Variants in IPO5 observed in about 807,000 individuals in gnomAD.
IPO5 encodes importin-5.
In IPO5, 18 loss-of-function variants were observed where a neutral mutation model predicts 143.3. That is an observed-to-expected ratio of 0.13 (90% confidence interval 0.09 to 0.19). The LOEUF (loss-of-function observed/expected upper bound fraction) is 0.19, where lower values mean the gene tolerates loss of function less well. Ranked by LOEUF, IPO5 falls within the 10% of genes least tolerant of loss-of-function variation. The pLI is 1.00. For missense variants in IPO5, 1,013 were observed against 1,336.9 expected (o/e 0.76, Z 3.78); for synonymous variants, 477 against 465.7 (o/e 1.02, Z -0.31).
intron 25 of IPO5, among the ~76,000 whole-genome samples, chr13:98,017,897 G>A (rs1455526072): frequency 1.3e-5 from 2 of 151,964 alleles, no homozygotes; most frequent in Non-Finnish European, 2.9e-5. Context: ...TCAACCTCCT[G>A]ACCTTGTGAT....
At chr13:97,998,403 C>T (rs1050517144) in intron 12 of IPO5, among the ~76,000 whole-genome samples, 11 of 152,162 alleles carry the variant, frequency 7.2e-5, no homozygotes, top group Admixed American at 7.2e-4. Context: ...AATGCTTTTA[C>T]AGGCAGAGAC....
At chr13:97,999,719 A>G (rs984853171) in intron 12 of IPO5, among the ~76,000 whole-genome samples, 6 of 152,226 alleles carry the variant, frequency 3.9e-5, no homozygotes, top group South Asian at 2.1e-4. Flanking sequence ...AGAGAAGACA[A>G]TAGAATTGAG....
chr13:98,024,045 A>G lies in IPO5; in HGVS notation c.*2223A>G, dbSNP rs1328078589. ...TATATATTGTTTATAAATGCAAGCT[A>G]TTTCTGGAGGGGAAAAATGTGTGTG... On this transcript the variant is annotated 3_prime_UTR_variant, in exon 29 of 29. Coordinates refer to ENST00000651721, the MANE Select transcript of IPO5 (RefSeq NM_002271.6). 1 of 152,158 alleles carries G rather than the reference A, an allele frequency of 6.6e-6. No individual in the cohort carries two copies. The highest frequency in any genetic ancestry group is 1.5e-5 in the Non-Finnish European group (1 of 68,028). 9.4% of individuals were successfully genotyped at this position (152,158 alleles called of 1,614,324 possible). A position where few individuals can be genotyped will look rare whatever the true frequency, so the allele number is the denominator to read the frequency against.
chr13:97,987,921 T>G (rs972543212), intron 6 of IPO5: 97 of 241,050 alleles, frequency 4.0e-4, no homozygotes, highest in African/African-American at 2.1e-3. Context: ...AATGCAAACC[T>G]TTCCAAAGTA....
intron 28 of IPO5, chr13:98,021,401 A>T: frequency 2.8e-6 from 1 of 359,722 alleles, no homozygotes; most frequent in East Asian, 4.3e-5. Context: ...TTTTCTGCCT[A>T]TCTTAAGAAA....
At chr13:97,963,664 G>T (rs534640118) in intron 2 of IPO5, among the ~76,000 whole-genome samples, 110 of 152,080 alleles carry the variant, frequency 7.2e-4, no homozygotes, top group African/African-American at 2.6e-3. Flanking sequence ...CACTGCACCC[G>T]GCCATTATTA....
chr13:97,982,788 T>TC (rs929067155), intron 5 of IPO5, among the ~76,000 whole-genome samples: 1 of 152,248 alleles, frequency 6.6e-6, no homozygotes, highest in African/African-American at 2.4e-5. Flanking sequence ...TTGCCTTTTT[T>TC]CCGCATAAGA....
chr13:97,972,514 G>A (rs902327957), intron 3 of IPO5, among the ~76,000 whole-genome samples: 4 of 152,306 alleles, frequency 2.6e-5, no homozygotes, highest in Non-Finnish European at 5.9e-5. Flanking sequence ...AGTTGAGAGA[G>A]ACTTTGTTTT....
chr13:98,014,229 C>T lies in IPO5; in HGVS notation c.2325+15C>T, dbSNP rs374788388. On this transcript the variant is annotated intron_variant, in intron 22 of 28. Coordinates refer to ENST00000651721, the MANE Select transcript of IPO5 (RefSeq NM_002271.6). ...CTTTTGCAAAGGTGAATATTTTTCT[C>T]TTAAAAAATATGTATAAGGTTGTAT... 2.0e-5 allele frequency: 32 copies of T among 1,565,300 alleles called. No homozygotes were observed. In the African/African-American group the frequency reaches 4.1e-4, roughly 20 times the overall value.
chr13:97,961,611 G>A (rs1884888898), intron 2 of IPO5, among the ~76,000 whole-genome samples: 1 of 152,112 alleles, frequency 6.6e-6, no homozygotes, highest in African/African-American at 2.4e-5. Flanking sequence ...TTTTATTAAA[G>A]CCATTTTATT....
chr13:97,972,639 G>A (rs1885914103), intron 3 of IPO5, among the ~76,000 whole-genome samples: 1 of 152,160 alleles, frequency 6.6e-6, no homozygotes, highest in South Asian at 2.1e-4. Context: ...AAAGGAGCTG[G>A]CCATTCACAA....
Position 98,000,661 on chromosome 13 carries a change from C to T in IPO5, c.1108+16C>T. On this transcript the variant is annotated intron_variant, in intron 13 of 28. Transcript: ENST00000651721. ...CTTCAAAATCGTAAGCTGTGTCCTT[C>T]AAATGCTAGAAGAGTGAAGTTGTGC... 1.0e-5 allele frequency: 16 copies of T among 1,543,528 alleles called. No homozygotes were observed. The highest frequency in any genetic ancestry group is 1.4e-5 in the Non-Finnish European group (16 of 1,115,594).
chr13:97,963,850 C>A (rs1885091613), intron 2 of IPO5, among the ~76,000 whole-genome samples: 2 of 152,174 alleles, frequency 1.3e-5, no homozygotes, highest in African/African-American at 4.8e-5. Context: ...ACAGCCTCGC[C>A]AGCATCTGTT....
chr13:97,976,875 G>A (rs1373284481), intron 4 of IPO5, 89 bp downstream of exon 4: 1 of 315,090 alleles, frequency 3.2e-6, no homozygotes, highest in Non-Finnish European at 5.0e-6. Flanking sequence ...CGGCCGGTCC[G>A]CGGCGGCCGC....
chr13:97,992,083 C>G (rs756114313), intron 9 of IPO5, among the ~76,000 whole-genome samples: 3 of 152,136 alleles, frequency 2.0e-5, no homozygotes, highest in African/African-American at 7.2e-5. Flanking sequence ...ACTTCTCTCC[C>G]CCTGCTATCA....
intron 2 of IPO5, among the ~76,000 whole-genome samples, chr13:97,963,552 T>C (rs1443982780): frequency 6.6e-6 from 1 of 151,858 alleles, no homozygotes; most frequent in Non-Finnish European, 1.5e-5. Context: ...TGTATTTTAG[T>C]ACAGATGGGG....
chr13:98,005,338 A>G lies in IPO5; in HGVS notation c.1498-792A>G, dbSNP rs116102229. Among the ~76,000 whole-genome samples the G allele has an allele frequency of 9.3e-3, 1,415 of 151,344 alleles. 19 individuals are homozygous for G. The highest frequency in any genetic ancestry group is 0.032 in the African/African-American group (1,314 of 41,180). On this transcript the variant is annotated intron_variant, in intron 16 of 28. Transcript: ENST00000651721. The stretch of plus-strand genomic sequence containing the variant: ...TCTGCTTCCGGAGTAATGGGATTAC[A>G]GGGGTGTGCCACCACACCTGGCTAA...
chr13:97,975,807 G>A (rs758222932), intron 3 of IPO5: 8 of 366,564 alleles, frequency 2.2e-5, no homozygotes, highest in African/African-American at 1.3e-4. Context: ...TGTTTGCTAC[G>A]TGTACATCCG....
chr13:98,009,842 T>G (rs1457081860), intron 18 of IPO5, 39 bp from the exon 19 acceptor site: 1 of 1,479,246 alleles, frequency 6.8e-7, no homozygotes, highest in Non-Finnish European at 9.2e-7. Flanking sequence ...GTTTACCCAT[T>G]GTTTTTTAAT....
Sources: allele counts gnomAD v4.1 joint callset (sites outside exome capture counted in the v4.1 genomes callset), GRCh38; gene constraint gnomAD v4.1.1; transcripts MANE v1.5; gene names NCBI Gene and HGNC (gene_info 2026-07-23, HGNC 2026-07-21).